Variants in SPATA31A1 observed in about 807,000 individuals in gnomAD.
SPATA31A1 encodes the protein spermatogenesis-associated protein 31A1.
For synonymous variants in SPATA31A1, 194 were observed against 573.4 expected (o/e 0.34, Z 9.45); for missense variants, 579 against 1,476.3 (o/e 0.39, Z 9.96).
rs1260797765 is a variant in SPATA31A1 at position 39,361,125 on chromosome 9, A to G, written c.3360A>G (p.Lys1120=). 6 of 1,611,320 alleles carry G rather than the reference A, an allele frequency of 3.7e-6. 1 individual carries two copies. The African/African-American group carries it at 8.0e-5, about 22-fold the overall frequency. Residue 1120 remains lysine, a synonymous_variant, in exon 4 of 4, where the codon AAA becomes AAG. Coordinates refer to ENST00000377647, the MANE Select transcript of SPATA31A1 (RefSeq NM_001085452.4). Reference sequence around the variant, plus strand: ...AGTCTAGGAAGCCCAACTTAGAAAAACATGAAGAAAGGCTTGAAGGATTGA... The same window carrying G: ...AGTCTAGGAAGCCCAACTTAGAAAAGCATGAAGAAAGGCTTGAAGGATTGA... ...SEKSRKPNLE[K]HEERLEGLRT...
chr9:39,357,680 T>A lies in SPATA31A1; in HGVS notation c.248-78T>A. On this transcript the variant is annotated intron_variant, in intron 2 of 3. Transcript: ENST00000377647. ...GGGTCTAATTCCCCATGGTCCTCCC[T>A]AAAGAAACAGCCACTCAGCCTCCTG... 29 of 1,582,736 alleles carry A rather than the reference T, an allele frequency of 1.8e-5. No individual in the cohort carries two copies. The South Asian group carries it at 3.0e-4, about 16-fold the overall frequency.
chr9:39,358,472 C>G lies in SPATA31A1; in HGVS notation c.707C>G (p.Thr236Ser). 1 of 1,564,688 alleles carries G rather than the reference C, an allele frequency of 6.4e-7. No homozygotes were observed. The highest frequency in any genetic ancestry group is 2.3e-5 in the East Asian group (1 of 44,162). ...CCCCTGCGGGACTCCACACTGATAA[C>G]TCCATCTCACTGTGACTCAGTGGCA... ...APPLRDSTLI[T>S]PSHCDSVALP... Residue 236 changes from threonine to serine, a missense_variant, in exon 4 of 4, where the codon ACT becomes AGT. Thr to Ser is a moderately conservative substitution (Grantham distance 58). Transcript: ENST00000377647.
At position 39,361,419 on chromosome 9, in the gene SPATA31A1, C is replaced by G; in HGVS notation, c.3654C>G (p.Asp1218Glu). Residue 1218 changes from aspartate to glutamate, a missense_variant, in exon 4 of 4, where the codon GAC (aspartate) becomes GAG (glutamate). Asp to Glu is a conservative substitution (Grantham distance 45). Transcript: ENST00000377647. ...TGACGGCAGTTGGACAAATGCTGGA[C>G]GAGAAAATGTCACTTTGCCATGCGC... ...GLMTAVGQML[D>E]EKMSLCHARH... 6.2e-7 allele frequency: 1 copy of G among 1,613,440 alleles called. No homozygotes were observed. Among genetic ancestry groups the G allele is most frequent in the South Asian group, 1.1e-5 (1 of 91,048 alleles).
rs532016842 is a variant in SPATA31A1, at chr9:39,357,552, G to A, written c.248-206G>A. 282 of 665,528 alleles carry A rather than the reference G, an allele frequency of 4.2e-4. 2 individuals carry two copies. The East Asian group carries it at 4.5e-3, about 11-fold the overall frequency. The allele number at this position is 665,528 out of a possible 1,614,324, so 41.2% of individuals were successfully genotyped here. A position where few individuals can be genotyped will look rare whatever the true frequency, so the allele number is the denominator to read the frequency against. On this transcript the variant is annotated intron_variant, in intron 2 of 3. Coordinates refer to ENST00000377647, the MANE Select transcript of SPATA31A1 (RefSeq NM_001085452.4). ...AGTTGTGAGGACTGTGGGGGTGGGG[G>A]GTCCGTGTGTGGAAGCCCTTTGTGA... is the stretch of plus-strand genomic sequence containing the variant.
At position 39,361,625 on chromosome 9, in the gene SPATA31A1, A is replaced by C; in HGVS notation, c.3860A>C (p.Asn1287Thr). ...GCPNRDRQIRNQQPLKSVRCN... is the reference protein window; with the variant it reads ...GCPNRDRQIRTQQPLKSVRCN... ...CCCAACAGAGACAGGCAAATCAGAA[A>C]TCAACAGCCCTTGAAAAGTGTGCGG... is the stretch of plus-strand genomic sequence containing the variant. Residue 1287 changes from asparagine (N) to threonine (T), a missense_variant, in exon 4 of 4, where the codon AAT becomes ACT. Coordinates refer to ENST00000377647, the MANE Select transcript of SPATA31A1 (RefSeq NM_001085452.4). 1 of 1,613,552 alleles carries C rather than the reference A, an allele frequency of 6.2e-7. No homozygotes were observed. The highest frequency in any genetic ancestry group is 8.5e-7 in the Non-Finnish European group (1 of 1,179,842).
At chr9:39,357,251 C>T in intron 2 of SPATA31A1, 62 bp downstream of exon 2, 1 of 1,606,482 alleles carries the variant, frequency 6.2e-7, no homozygotes, top group Admixed American at 1.7e-5. Flanking sequence ...AGGGAACTGA[C>T]TCTGAAGAAG....
Position 39,359,052 on chromosome 9 carries a change from T to TAAC in SPATA31A1, c.1288_1290dup (p.Asn430dup). On this transcript the variant is annotated inframe_insertion, in exon 4 of 4. Transcript: ENST00000377647. ...CTCTGCACAGCGAGTCCCTGGTGGC[T>TAAC]AACGCCTGGGTAACTGACAGGTCTT... 6.2e-7 allele frequency: 1 copy of TAAC among 1,603,164 alleles called. No homozygotes were observed. Among genetic ancestry groups the TAAC allele is most frequent in the Admixed American group, 1.7e-5 (1 of 59,814 alleles).
Position 39,358,262 on chromosome 9 carries a change from C to A in SPATA31A1, c.497C>A (p.Ala166Asp). Residue 166 changes from alanine to aspartate, a missense_variant, in exon 4 of 4, where the codon GCC (alanine) becomes GAC (aspartate). Coordinates refer to ENST00000377647, the MANE Select transcript of SPATA31A1 (RefSeq NM_001085452.4). ...CAAGCCAAGCATCCTCAGGATCTGG[C>A]CTCCACCCCATCACCAGGCCCAATG... ...DPQAKHPQDLASTPSPGPMTT... is the reference protein window; with the variant it reads ...DPQAKHPQDLDSTPSPGPMTT... 1 of 1,559,266 alleles carries A rather than the reference C, an allele frequency of 6.4e-7. No homozygotes were observed. Among genetic ancestry groups the A allele is most frequent in the Non-Finnish European group, 8.6e-7 (1 of 1,161,850 alleles).
Position 39,361,432 on chromosome 9 carries a change from C to G in SPATA31A1, c.3667C>G (p.Leu1223Val), listed in dbSNP as rs1411533004. ...VGQMLDEKMS[L>V]CHARHASKVN... is the part of the protein sequence containing the mutation. The stretch of plus-strand genomic sequence containing the variant: ...ACAAATGCTGGACGAGAAAATGTCA[C>G]TTTGCCATGCGCGCCATGCCTCGAA... The change falls in exon 4 of 4, where the codon CTT (leucine) becomes GTT (valine). Residue 1223 changes from leucine (L) to valine (V), a missense_variant. Coordinates refer to ENST00000377647, the MANE Select transcript of SPATA31A1 (RefSeq NM_001085452.4). The G allele has an allele frequency of 6.2e-6, 10 of 1,613,374 alleles. No individual in the cohort carries two copies. Among genetic ancestry groups the G allele is most frequent in the African/African-American group, 5.4e-5 (4 of 74,670 alleles).
chr9:39,355,919 G>A lies in SPATA31A1; in HGVS notation c.189G>A (p.Lys63=). 4.2e-6 allele frequency: 1 copy of A among 235,816 alleles called. No individual in the cohort carries two copies. Among genetic ancestry groups the A allele is most frequent in the Non-Finnish European group, 6.8e-6 (1 of 146,642 alleles). 14.6% of individuals were successfully genotyped at this position (235,816 alleles called of 1,614,324 possible). The change falls in exon 1 of 4, where the codon AAG becomes AAA. Residue 63 remains lysine, a splice_region_variant and synonymous_variant. Transcript: ENST00000377647. The stretch of plus-strand genomic sequence containing the variant: ...CCTCACCATCGCCTGGGAAGAGAAA[G>A]GTAAGGAACCCTCAGTCCCAACCCA... ...DPPSPSPGKR[K]CPVGRRRRPR...
chr9:39,361,249 C>A lies in SPATA31A1; in HGVS notation c.3484C>A (p.His1162Asn), dbSNP rs1455825627. ...AAAGAAACAGCCTCCTTCAGTAAGC[C>A]ACTTTGGAGGAAACATCAAGCAATT... The part of the protein sequence containing the change: ...PSKKQPPSVS[H>N]FGGNIKQFFQ... Residue 1162 changes from histidine (H) to asparagine (N), a missense_variant, in exon 4 of 4, where the codon CAC becomes AAC. By Grantham distance (68) the His-to-Asn change is moderately conservative. Transcript: ENST00000377647. 1 of 1,611,572 alleles carries A rather than the reference C, an allele frequency of 6.2e-7. No homozygotes were observed. The highest frequency in any genetic ancestry group is 8.5e-7 in the Non-Finnish European group (1 of 1,179,826).
At position 39,358,155 on chromosome 9, in the gene SPATA31A1, A is replaced by C. The variant is rs1823374950; in HGVS notation, c.390A>C (p.Ala130=). 6 of 1,605,610 alleles carry C rather than the reference A, an allele frequency of 3.7e-6. No homozygotes were observed. The highest frequency in any genetic ancestry group is 5.1e-6 in the Non-Finnish European group (6 of 1,178,170). The change falls in exon 4 of 4, where the codon GCA becomes GCC. Residue 130 remains alanine, a synonymous_variant. Coordinates refer to ENST00000377647, the MANE Select transcript of SPATA31A1 (RefSeq NM_001085452.4). The stretch of plus-strand genomic sequence containing the variant: ...CCCCAGGTGAAGTGGGCGAAAGAGC[A>C]CCTGATGGAGCCTCCCAGTCCTCTC... ...PDPPGEVGER[A]PDGASQSSHE... is the part of the protein sequence containing the mutation.
chr9:39,361,398 G>A lies in SPATA31A1; in HGVS notation c.3633G>A (p.Thr1211=), dbSNP rs1017830574. 5.0e-5 allele frequency: 81 copies of A among 1,613,406 alleles called. 4 individuals carry two copies. Among genetic ancestry groups the A allele is most frequent in the South Asian group, 3.3e-4 (30 of 91,058 alleles). The change falls in exon 4 of 4, where the codon ACG becomes ACA. Residue 1211 remains threonine (T), a synonymous_variant. Transcript: ENST00000377647. ...GTGCTGAAGCTCAGGGTCTCATGACGGCAGTTGGACAAATGCTGGACGAGA... is the reference window on the plus strand; with the variant it reads ...GTGCTGAAGCTCAGGGTCTCATGACAGCAGTTGGACAAATGCTGGACGAGA... ...SSSAEAQGLM[T]AVGQMLDEKM... is the part of the protein sequence containing the mutation.
In SPATA31A1 at chr9:39,361,659, T is replaced by G; in HGVS notation, c.3894T>G (p.Asn1298Lys). 3 of 1,613,218 alleles carry G rather than the reference T, an allele frequency of 1.9e-6. No individual in the cohort carries two copies. Among genetic ancestry groups the G allele is most frequent in the South Asian group, 2.2e-5 (2 of 91,018 alleles). ...QQPLKSVRCN[N>K]EQWGLRHPQI... is the part of the protein sequence containing the mutation. Reference sequence around the variant, plus strand: ...CCTTGAAAAGTGTGCGGTGCAACAATGAGCAATGGGGCCTGCGACATCCCC... The same window carrying G: ...CCTTGAAAAGTGTGCGGTGCAACAAGGAGCAATGGGGCCTGCGACATCCCC... The change falls in exon 4 of 4, where the codon AAT becomes AAG. Residue 1298 changes from asparagine (N) to lysine (K), a missense_variant. Asn to Lys is a moderately conservative substitution (Grantham distance 94, BLOSUM62 0). Transcript: ENST00000377647.
In SPATA31A1 at chr9:39,357,901, G is replaced by A. The variant is rs1320687635; in HGVS notation, c.308+83G>A. On this transcript the variant is annotated intron_variant, in intron 3 of 3. Transcript: ENST00000377647. ...GCCACAGGCAGCCTGGAGCTGACCT[G>A]GGATGGGGAGACCAGGGGTACAGAG... The A allele has an allele frequency of 6.3e-5, 96 of 1,524,776 alleles. No homozygotes were observed. In the East Asian group the frequency reaches 2.0e-3, roughly 32 times the overall value. 94.5% of individuals were successfully genotyped at this position (1,524,776 alleles called of 1,614,324 possible). A position where few individuals can be genotyped will look rare whatever the true frequency, so the allele number is the denominator to read the frequency against.
In SPATA31A1 at chr9:39,358,616, A is replaced by G; in HGVS notation, c.851A>G (p.Gln284Arg). ...NSHVSASSRWQETARTSCAFN... is the reference protein window; with the variant it reads ...NSHVSASSRWRETARTSCAFN... ...CATGTTTCTGCCTCCTCCCGGTGGC[A>G]GGAGACTGCCAGAACCTCGTGCGCC... The change falls in exon 4 of 4, where the codon CAG becomes CGG. Residue 284 changes from glutamine (Q) to arginine (R), a missense_variant. Gln to Arg is a conservative substitution (Grantham distance 43). Coordinates refer to ENST00000377647, the MANE Select transcript of SPATA31A1 (RefSeq NM_001085452.4). The G allele has an allele frequency of 1.2e-6, 2 of 1,602,316 alleles. No homozygotes were observed. The highest frequency in any genetic ancestry group is 1.7e-6 in the Non-Finnish European group (2 of 1,179,232).
Position 39,358,653 on chromosome 9 carries a change from A to G in SPATA31A1, c.888A>G (p.Ser296=). 6.2e-7 allele frequency: 1 copy of G among 1,607,978 alleles called. No individual in the cohort carries two copies. Among genetic ancestry groups the G allele is most frequent in the Non-Finnish European group, 8.5e-7 (1 of 1,179,724 alleles). The change falls in exon 4 of 4, where the codon TCA becomes TCG. Residue 296 remains serine (S), a synonymous_variant. Coordinates refer to ENST00000377647, the MANE Select transcript of SPATA31A1 (RefSeq NM_001085452.4). ...GAACCTCGTGCGCCTTTAACTCATCAGTCCAGCAAGATCATCTTTCCCGCC... is the reference window on the plus strand; with the variant it reads ...GAACCTCGTGCGCCTTTAACTCATCGGTCCAGCAAGATCATCTTTCCCGCC... ...TARTSCAFNS[S]VQQDHLSRHP... is the part of the protein sequence containing the mutation.
At position 39,360,723 on chromosome 9, in the gene SPATA31A1, C is replaced by G. The variant is rs1351788294; in HGVS notation, c.2958C>G (p.Ser986Arg). The G allele has an allele frequency of 6.2e-7, 1 of 1,612,458 alleles. No individual in the cohort carries two copies. The highest frequency in any genetic ancestry group is 8.5e-7 in the Non-Finnish European group (1 of 1,179,720). Residue 986 changes from serine (S) to arginine (R), a missense_variant, in exon 4 of 4, where the codon AGC becomes AGG. Ser to Arg is a moderately radical substitution (Grantham distance 110). Coordinates refer to ENST00000377647, the MANE Select transcript of SPATA31A1 (RefSeq NM_001085452.4). ...ATGGTTTCGAGGCTCCAGGGACCAGCAAAAGCTCTCTACACCCTAGAGTGT... is the reference window on the plus strand; with the variant it reads ...ATGGTTTCGAGGCTCCAGGGACCAGGAAAAGCTCTCTACACCCTAGAGTGT... ...DMHGFEAPGT[S>R]KSSLHPRVSV...
In SPATA31A1 at chr9:39,358,880, C is replaced by T; in HGVS notation, c.1115C>T (p.Ala372Val). The change falls in exon 4 of 4, where the codon GCT becomes GTT. Residue 372 changes from alanine (A) to valine (V), a missense_variant. Ala to Val is a moderately conservative substitution (Grantham distance 64). Transcript: ENST00000377647. ...SLRNLAKSLD[A>V]EQDTTNPKPF... ...CGGAATTTGGCTAAATCATTGGATG[C>T]TGAGCAGGACACCACAAACCCAAAA... The T allele has an allele frequency of 6.3e-7, 1 of 1,595,764 alleles. No homozygotes were observed. Among genetic ancestry groups the T allele is most frequent in the East Asian group, 2.2e-5 (1 of 44,826 alleles).
Sources: allele counts gnomAD v4.1 joint callset, GRCh38; gene constraint gnomAD v4.1.1; transcripts MANE v1.5; gene names NCBI Gene and HGNC (gene_info 2026-07-23, HGNC 2026-07-21).